The following APOL3 variants were observed in gnomAD, a reference collection of about 807,000 sequenced individuals.
APOL3 encodes the protein TNF-inducible protein CG12-1.
In APOL3, 14 loss-of-function variants were observed where a neutral mutation model predicts 11.6. The ratio of observed to expected loss-of-function variants is 1.21; its 90% CI spans 0.80 to 1.89. The LOEUF (loss-of-function observed/expected upper bound fraction) is 1.89, where lower values mean the gene tolerates loss of function less well. Ranked by LOEUF, APOL3 falls within the 40% of genes most tolerant of loss-of-function variation. The pLI is 0.00. For synonymous variants in APOL3, 192 were observed against 190.6 expected (o/e 1.01, Z -0.06); for missense variants, 483 against 492.1 (o/e 0.98, Z 0.17).
intron 1 of APOL3, chr22:36,153,545 C>T (rs891193989): frequency 7.8e-6 from 3 of 382,406 alleles, no homozygotes; most frequent in East Asian, 7.4e-5. Context: ...ACTCAACATA[C>T]GGGCTTCTTT....
upstream of APOL3, among the ~76,000 whole-genome samples, chr22:36,163,189 G>C (rs1382306767): frequency 6.6e-6 from 1 of 152,234 alleles, no homozygotes; most frequent in Non-Finnish European, 1.5e-5. Context: ...TCTGGCCACA[G>C]AGCCAGGAAT....
rs1472395738 is a variant in APOL3 at position 36,153,541 on chromosome 22, C to G, written c.223+7128G>C. ...TTTCCAGTGGCACCTTGCCACTCAA[C>G]ATACGGGCTTCTTTTCCACCCAAAG... On this transcript the variant is annotated intron_variant, in intron 1 of 2. Transcript: ENST00000349314. 7.8e-6 allele frequency: 3 copies of G among 383,534 alleles called. No individual in the cohort carries two copies. The Admixed American group carries it at 9.2e-5, about 12-fold the overall frequency. 23.8% of individuals were successfully genotyped at this position (383,534 alleles called of 1,614,324 possible).
At chr22:36,149,420 A>C in intron 1 of APOL3, 1 of 1,293,390 alleles carries the variant, frequency 7.7e-7, no homozygotes, top group Non-Finnish European at 1.0e-6. Context: ...TGGACATCTG[A>C]TAATCACAGA....
At chr22:36,153,375 TG>T (rs756802846) in intron 1 of APOL3, 23 of 455,986 alleles carry the variant, frequency 5.0e-5, no homozygotes, top group South Asian at 3.1e-4. Flanking sequence ...TGCCTCCTGA[TG>T]GGAGAAATGT....
intron 1 of APOL3, among the ~76,000 whole-genome samples, chr22:36,159,905 C>T (rs990148185): frequency 6.6e-6 from 1 of 151,370 alleles, no homozygotes; most frequent in African/African-American, 2.4e-5. Context: ...GACAGAGTCT[C>T]ACTCTGTCAG....
At chr22:36,161,750 G>T (rs1664462662), upstream of APOL3, among the ~76,000 whole-genome samples, 1 of 148,420 alleles carries the variant, frequency 6.7e-6, no homozygotes, top group South Asian at 2.2e-4. Context: ...AGACAAAAGA[G>T]TATATTAGGA....
intron 2 of APOL3, among the ~76,000 whole-genome samples, chr22:36,142,889 C>T (rs913324750): frequency 6.6e-5 from 10 of 152,224 alleles, no homozygotes; most frequent in African/African-American, 2.4e-4. Flanking sequence ...GCAAGAATCC[C>T]CCAAGGCAGT....
At chr22:36,160,669 C>G (rs1319182580) in exon 1 of APOL3, 1 of 1,614,088 alleles carries the variant, frequency 6.2e-7, no homozygotes, top group Admixed American at 1.7e-5. Context: ...CCTAACTTAC[C>G]AAGGAAGCTT....
intron 1 of APOL3, 58 bp downstream of exon 1, chr22:36,160,611 C>T (rs886371646): frequency 1.6e-5 from 25 of 1,570,692 alleles, no homozygotes; most frequent in Non-Finnish European, 1.8e-5. Flanking sequence ...TGACCCTTCT[C>T]TTATAGAGCT....
intron 1 of APOL3, among the ~76,000 whole-genome samples, chr22:36,150,345 G>A (rs549737828): frequency 3.3e-5 from 5 of 152,172 alleles, no homozygotes; most frequent in South Asian, 2.1e-4. Context: ...TTGTGGACTC[G>A]ACTTTGCACC....
intron 1 of APOL3, chr22:36,149,398 C>A: frequency 7.7e-7 from 1 of 1,304,440 alleles, no homozygotes; most frequent in South Asian, 1.2e-5. Flanking sequence ...AGAAGATAAT[C>A]AGAGGAAGGG....
At chr22:36,145,442 C>A in intron 2 of APOL3, 31 bp downstream of exon 3, 1 of 1,610,140 alleles carries the variant, frequency 6.2e-7, no homozygotes, top group Non-Finnish European at 8.5e-7. Flanking sequence ...ATAGCCGGGG[C>A]GCCCCATGGA....
At chr22:36,151,669 T>A (rs1477030785) in intron 1 of APOL3, among the ~76,000 whole-genome samples, 4 of 152,220 alleles carry the variant, frequency 2.6e-5, no homozygotes, top group Non-Finnish European at 4.4e-5. Context: ...AGAAAGCTAC[T>A]TGAGTCTGAG....
intron 1 of APOL3, among the ~76,000 whole-genome samples, chr22:36,151,331 T>TA (rs1199860332): frequency 4.6e-5 from 7 of 151,864 alleles, no homozygotes; most frequent in African/African-American, 1.5e-4. Context: ...AGATAACAAG[T>TA]AAAAAATGAG....
In APOL3 at chr22:36,141,206, G is replaced by T. The variant is rs2059970405; in HGVS notation, c.1203C>A (p.Thr401=). 5 of 1,612,636 alleles carry T rather than the reference G, an allele frequency of 3.1e-6. No homozygotes were observed. In the African/African-American group the frequency reaches 5.3e-5, roughly 17 times the overall value. The change falls in exon 3 of 3, where the codon ACC becomes ACA. Residue 401 remains threonine (T), a synonymous_variant. Transcript: ENST00000349314. The stretch of plus-strand genomic sequence containing the variant: ...TGGCTGCACTGGTCTGGGGTCAGTG[G>T]GTATGGCATGGATTCAGACGCTGAT...
At chr22:36,161,511 G>A (rs953455258), upstream of APOL3, 1 of 153,908 alleles carries the variant, frequency 6.5e-6, no homozygotes, top group African/African-American at 2.4e-5. Flanking sequence ...ACTTCCTTAT[G>A]TGGGTTCTTC....
chr22:36,150,310 G>A lies in APOL3; in HGVS notation c.224-4711C>T, dbSNP rs77082320. Among the ~76,000 whole-genome samples, 1,425 of 152,272 alleles carry A rather than the reference G, an allele frequency of 9.4e-3. 16 individuals carry two copies. The highest frequency in any genetic ancestry group is 0.014 in the Non-Finnish European group (981 of 68,014). On this transcript the variant is annotated intron_variant, in intron 1 of 2. Transcript: ENST00000349314. ...CAAGGCACTTATAGGTATAATAACA[G>A]TCAATGAGAAATAGGGGTGAACATT... is the stretch of plus-strand genomic sequence containing the variant.
At chr22:36,145,678 G>C in intron 1 of APOL3, 79 bp from the exon 3 acceptor site, 1 of 1,544,260 alleles carries the variant, frequency 6.5e-7, no homozygotes, top group East Asian at 2.3e-5. Flanking sequence ...GTGGTTCGAG[G>C]TTAATCCTCC....
chr22:36,159,473 G>A (rs1210686531), intron 1 of APOL3: 1 of 152,200 alleles, frequency 6.6e-6, no homozygotes, highest in East Asian at 1.9e-4. Context: ...TTCCAGGTTT[G>A]TTTCTGCTTC....
Sources: allele counts gnomAD v4.1 joint callset (sites outside exome capture counted in the v4.1 genomes callset), GRCh38; gene constraint gnomAD v4.1.1; transcripts MANE v1.5; gene names NCBI Gene and HGNC (gene_info 2026-07-23, HGNC 2026-07-21).